USP15: variants seen among roughly 807,000 people sequenced by gnomAD.
USP15 encodes the protein ubiquitin specific peptidase 15.
A neutral mutation model predicts 127.1 loss-of-function variants in USP15; 18 were observed. The ratio of observed to expected loss-of-function variants is 0.14; its 90% confidence interval spans 0.10 to 0.21. The LOEUF is 0.21. Among genes scored for constraint, USP15 ranks in the 10% least tolerant of loss-of-function variants. The pLI is 1.00. For missense variants in USP15, 805 were observed against 1,159.9 expected, an observed-to-expected ratio of 0.69 and a Z score of 4.44; for synonymous variants, 364 against 393.7, an observed-to-expected ratio of 0.92 and a Z score of 0.89.
chr12:62,344,490 A>C (rs1167264045), intron 6 of USP15, among the ~76,000 whole-genome samples: 1 of 152,062 alleles, frequency 6.6e-6, no homozygotes, highest in East Asian at 1.9e-4. Context: ...TTCATGGGCC[A>C]GCATTGTCTG....
Position 62,404,186 on chromosome 12 carries a change from T to A in USP15, c.2764-7T>A, listed in dbSNP as rs1399323505. On this transcript the variant is annotated splice_region_variant and splice_polypyrimidine_tract_variant and intron_variant, in intron 21 of 21. Coordinates refer to ENST00000280377, the MANE Select transcript of USP15 (RefSeq NM_001252078.2). ...CATAACTGTTTTAACATCCTTTGTT[T>A]TGACAGTCCAAAGCAGCATATGTAC... 1 of 1,594,852 alleles carries A rather than the reference T, an allele frequency of 6.3e-7. No homozygotes were observed. The highest frequency in any genetic ancestry group is 1.1e-5 in the South Asian group (1 of 88,244).
intron 4 of USP15, among the ~76,000 whole-genome samples, chr12:62,320,995 A>G (rs1052325017): frequency 1.3e-5 from 2 of 152,018 alleles, no homozygotes; most frequent in African/African-American, 4.8e-5. Context: ...TTTCTTTTTT[A>G]TTGTGTCCAT....
intron 20 of USP15, among the ~76,000 whole-genome samples, chr12:62,398,360 T>G (rs1281893799): frequency 2.0e-5 from 3 of 152,228 alleles, no homozygotes; most frequent in Non-Finnish European, 4.4e-5. Context: ...CTTGTTACTT[T>G]GGGTTTCTAT....
intron 1 of USP15, among the ~76,000 whole-genome samples, chr12:62,285,446 G>A (rs926543945): frequency 5.3e-5 from 8 of 152,088 alleles, no homozygotes; most frequent in Middle Eastern, 3.2e-3. Context: ...TGGCTAAGTA[G>A]TATTCCATGG....
At chr12:62,324,128 T>G (rs2065063985) in intron 5 of USP15, among the ~76,000 whole-genome samples, 1 of 152,026 alleles carries the variant, frequency 6.6e-6, no homozygotes, top group Admixed American at 6.5e-5. Context: ...GGTTTAATTT[T>G]AATTTTGAAA....
intron 1 of USP15, among the ~76,000 whole-genome samples, chr12:62,291,324 C>T (rs558098928): frequency 6.6e-6 from 1 of 152,120 alleles, no homozygotes; most frequent in South Asian, 2.1e-4. Context: ...ATTGTTTATT[C>T]TCCTTGATCT....
chr12:62,396,278 G>A lies in USP15; in HGVS notation c.2571-17G>A, dbSNP rs1285077421. 1 of 1,552,440 alleles carries A rather than the reference G, an allele frequency of 6.4e-7. No individual in the cohort carries two copies. Among genetic ancestry groups the A allele is most frequent in the Non-Finnish European group, 8.7e-7 (1 of 1,153,790 alleles). On this transcript the variant is annotated splice_polypyrimidine_tract_variant and intron_variant, in intron 19 of 21. Coordinates refer to ENST00000280377, the MANE Select transcript of USP15 (RefSeq NM_001252078.2). ...TAGGGACAACATAAAAATTAACTTG[G>A]TTTCTTTTTTAAACAGTGACTTGGA...
chr12:62,289,508 T>C (rs1295299095), intron 1 of USP15, among the ~76,000 whole-genome samples: 2 of 152,134 alleles, frequency 1.3e-5, no homozygotes, highest in Non-Finnish European at 2.9e-5. Flanking sequence ...TTGGTTAGTC[T>C]AGCTAGCAGT....
At chr12:62,367,570 G>A (rs911518428) in intron 8 of USP15, among the ~76,000 whole-genome samples, 7 of 152,098 alleles carry the variant, frequency 4.6e-5, no homozygotes, top group African/African-American at 1.4e-4. Context: ...ATGTGTCCAG[G>A]AATTTATCCA....
At chr12:62,327,676 A>G (rs2137309044) in intron 6 of USP15, 3 of 434,660 alleles carry the variant, frequency 6.9e-6, no homozygotes, top group South Asian at 5.0e-5. Flanking sequence ...TATCATTTTT[A>G]TTTATTCCAA....
chr12:62,270,608 G>T (rs559670985), intron 1 of USP15, among the ~76,000 whole-genome samples: 12 of 152,084 alleles, frequency 7.9e-5, no homozygotes, highest in Non-Finnish European at 1.5e-4. Flanking sequence ...AAAACTATTT[G>T]TCAAAAAGAT....
chr12:62,322,018 A>G (rs777678111), intron 5 of USP15, among the ~76,000 whole-genome samples: 8 of 152,248 alleles, frequency 5.3e-5, no homozygotes, highest in Non-Finnish European at 8.8e-5. Context: ...TGATACATGA[A>G]TAAATGAGTA....
chr12:62,268,315 T>G (rs1265083333), intron 1 of USP15, among the ~76,000 whole-genome samples: 5 of 152,140 alleles, frequency 3.3e-5, no homozygotes, highest in Admixed American at 2.6e-4. Context: ...ACTGCCTGCC[T>G]ATGTGTGATA....
intron 6 of USP15, among the ~76,000 whole-genome samples, chr12:62,343,595 G>A (rs369855658): frequency 6.4e-4 from 97 of 152,172 alleles, no homozygotes; most frequent in African/African-American, 1.6e-3. Context: ...TGGGAAAAGC[G>A]TAGTACCCGG....
chr12:62,340,674 A>T (rs1004764623), intron 6 of USP15, among the ~76,000 whole-genome samples: 1 of 152,062 alleles, frequency 6.6e-6, no homozygotes, highest in African/African-American at 2.4e-5. Flanking sequence ...TTCAATTTCC[A>T]TGTAGTTGTG....
intron 1 of USP15, among the ~76,000 whole-genome samples, chr12:62,271,459 T>C (rs1469207612): frequency 6.6e-6 from 1 of 152,038 alleles, no homozygotes; most frequent in Non-Finnish European, 1.5e-5. Flanking sequence ...TATTCGAAGT[T>C]TAATGTATGC....
chr12:62,308,431 G>A (rs2064552632), intron 3 of USP15, among the ~76,000 whole-genome samples: 1 of 151,898 alleles, frequency 6.6e-6, no homozygotes, highest in Admixed American at 6.6e-5. Context: ...CAGAAGTGGT[G>A]GTATGTCACT....
chr12:62,301,148 A>G (rs186180607), intron 2 of USP15, among the ~76,000 whole-genome samples: 320 of 152,312 alleles, frequency 2.1e-3, no homozygotes, highest in Non-Finnish European at 2.8e-3. Context: ...TATTAGAGAA[A>G]TGAAGATTAA....
At chr12:62,273,962 C>T (rs1297375342) in intron 1 of USP15, among the ~76,000 whole-genome samples, 1 of 152,042 alleles carries the variant, frequency 6.6e-6, no homozygotes, top group African/African-American at 2.4e-5. Context: ...CCTCTGCTAT[C>T]TCACTTTTAA....
Sources: gnomAD v4.1 joint callset for allele counts (sites outside exome capture counted in the v4.1 genomes callset) on GRCh38, gnomAD v4.1.1 for gene constraint, MANE v1.5 for transcripts, NCBI Gene and HGNC (gene_info 2026-07-23, HGNC 2026-07-21) for gene names.